Variants in RIPK2 observed in about 807,000 individuals in gnomAD.
RIPK2 encodes the protein receptor interacting serine/threonine kinase 2, also known as receptor-interacting serine/threonine-protein kinase 2.
RIPK2 carries 38 observed loss-of-function variants against 60.9 expected under a neutral mutation model. That is an observed-to-expected ratio of 0.62 (90% CI 0.48 to 0.82). RIPK2 has a LOEUF of 0.82. RIPK2 is among the 40% of genes least tolerant of loss of function. The pLI is 0.00. For missense variants in RIPK2, 518 were observed against 647.0 expected (o/e 0.80, Z 2.16); for synonymous variants, 225 against 223.4 (o/e 1.01, Z -0.06).
chr8:89,768,007 T>G (rs546925621), intron 3 of RIPK2, among the ~76,000 whole-genome samples: 1 of 151,808 alleles, frequency 6.6e-6, no homozygotes, highest in East Asian at 1.9e-4. Context: ...CACAATACTA[T>G]TTTTGGTGCG....
At chr8:89,777,557 T>C (rs1279610971) in intron 6 of RIPK2, among the ~76,000 whole-genome samples, 1 of 147,656 alleles carries the variant, frequency 6.8e-6, no homozygotes, top group Non-Finnish European at 1.5e-5. Context: ...CATATCCAGC[T>C]TTGTATCTAA....
At chr8:89,762,801 T>C in intron 1 of RIPK2, 28 bp from the exon 2 acceptor site, 1 of 1,231,034 alleles carries the variant, frequency 8.1e-7, no homozygotes, top group South Asian at 2.1e-5. Flanking sequence ...TTTTATTACT[T>C]GAATAATTAT....
chr8:89,776,106 T>A (rs1809394938), intron 6 of RIPK2, among the ~76,000 whole-genome samples: 1 of 152,136 alleles, frequency 6.6e-6, no homozygotes. Context: ...ATGCATTCTT[T>A]AGGCAAGCTG....
intron 4 of RIPK2, among the ~76,000 whole-genome samples, 173 bp downstream of exon 4, chr8:89,770,102 A>G (rs1809289581): frequency 6.6e-6 from 1 of 151,906 alleles, no homozygotes; most frequent in African/African-American, 2.4e-5. Flanking sequence ...AGGAAATTTA[A>G]TGATTTGCTT....
chr8:89,777,385 AAAC>A (rs1366034262), intron 6 of RIPK2, among the ~76,000 whole-genome samples: 2 of 152,244 alleles, frequency 1.3e-5, no homozygotes, highest in Non-Finnish European at 2.9e-5. Flanking sequence ...GGAAAGAAAG[AAAC>A]AAAATGTGAA....
intron 7 of RIPK2, 152 bp downstream of exon 7, chr8:89,780,312 A>C: frequency 2.4e-6 from 1 of 421,488 alleles, no homozygotes; most frequent in South Asian, 3.9e-5. Context: ...GAGACTATGA[A>C]TACTACTTTT....
chr8:89,786,015 G>T (rs1347048408), intron 8 of RIPK2, among the ~76,000 whole-genome samples: 1 of 152,138 alleles, frequency 6.6e-6, no homozygotes, highest in African/African-American at 2.4e-5. Context: ...CTAGCTACTG[G>T]CTGCAGCATC....
Position 89,790,681 on chromosome 8 carries a change from G to A in RIPK2, c.*265G>A, listed in dbSNP as rs943529935. The A allele has an allele frequency of 9.9e-6, 3 of 303,610 alleles. No individual in the cohort carries two copies. Among genetic ancestry groups the A allele is most frequent in the Non-Finnish European group, 1.8e-5 (3 of 163,058 alleles). The allele number at this position is 303,610 out of a possible 1,614,324, so 18.8% of individuals were successfully genotyped here. A position where few individuals can be genotyped will look rare whatever the true frequency, so the allele number is the denominator to read the frequency against. ...ATAGTAATTATTCTTGTTTATAACA[G>A]TGCCTTAAGGTATGATGTATTTCTG... On this transcript the variant is annotated 3_prime_UTR_variant, in exon 11 of 11. Coordinates refer to ENST00000220751, the MANE Select transcript of RIPK2 (RefSeq NM_003821.6).
At chr8:89,779,847 T>C (rs1324424362) in intron 6 of RIPK2, among the ~76,000 whole-genome samples, 4 of 152,230 alleles carry the variant, frequency 2.6e-5, no homozygotes, top group African/African-American at 7.2e-5. Context: ...CATTTCCCCA[T>C]TGAATTGGCT....
At chr8:89,759,303 T>A in intron 1 of RIPK2, 1 of 456,280 alleles carries the variant, frequency 2.2e-6, no homozygotes, top group Non-Finnish European at 4.4e-6. Context: ...ACTAGTCTTG[T>A]GTATTTTACT....
intron 2 of RIPK2, among the ~76,000 whole-genome samples, chr8:89,764,818 A>G (rs975847171): frequency 6.6e-6 from 1 of 152,134 alleles, no homozygotes; most frequent in Admixed American, 6.6e-5. Context: ...TAGTCAATAA[A>G]TACAATATGA....
At chr8:89,777,894 A>G (rs1047070531) in intron 6 of RIPK2, among the ~76,000 whole-genome samples, 1 of 152,150 alleles carries the variant, frequency 6.6e-6, no homozygotes, top group African/African-American at 2.4e-5. Context: ...AGGAAGAAAA[A>G]AAAATCAATA....
chr8:89,759,158 T>G (rs1809102634), intron 1 of RIPK2, among the ~76,000 whole-genome samples: 1 of 152,238 alleles, frequency 6.6e-6, no homozygotes, highest in African/African-American at 2.4e-5. Context: ...GACTGTTAAA[T>G]GGCCAGAAAT....
chr8:89,765,432 C>T lies in RIPK2; in HGVS notation c.419C>T (p.Pro140Leu). 4.4e-6 allele frequency: 7 copies of T among 1,600,500 alleles called. No individual in the cohort carries two copies. The highest frequency in any genetic ancestry group is 6.0e-6 in the Non-Finnish European group (7 of 1,168,394). ...LGVNYLHNMTPPLLHHDLKTQ... is the reference protein window; with the variant it reads ...LGVNYLHNMTLPLLHHDLKTQ... ...GTAAATTACCTGCACAATATGACTC[C>T]TCCTTTACTTCATCATGACTTGAAG... Residue 140 changes from proline to leucine, a missense_variant, in exon 3 of 11, where the codon CCT becomes CTT. Physicochemically the swap from Pro to Leu is moderately conservative, Grantham distance 98. Coordinates refer to ENST00000220751, the MANE Select transcript of RIPK2 (RefSeq NM_003821.6).
intron 1 of RIPK2, among the ~76,000 whole-genome samples, chr8:89,758,744 T>C (rs1425287387): frequency 1.3e-5 from 2 of 152,220 alleles, no homozygotes; most frequent in African/African-American, 4.8e-5. Flanking sequence ...AAGTGTAAAA[T>C]ACCAGAGTTC....
intron 8 of RIPK2, among the ~76,000 whole-genome samples, chr8:89,786,262 G>A (rs759417247): frequency 1.3e-5 from 2 of 151,946 alleles, no homozygotes; most frequent in East Asian, 3.9e-4. Context: ...TCACTTGATC[G>A]CAGGAGTTTG....
At chr8:89,769,711 A>C in intron 3 of RIPK2, 61 bp from the exon 4 acceptor site, 1 of 1,162,240 alleles carries the variant, frequency 8.6e-7, no homozygotes, top group Non-Finnish European at 1.2e-6. Flanking sequence ...ACAAAAAGAT[A>C]GTTGACTTTT....
intron 4 of RIPK2, among the ~76,000 whole-genome samples, chr8:89,770,603 CA>C (rs1011050713): frequency 6.6e-6 from 1 of 151,762 alleles, no homozygotes; most frequent in Admixed American, 6.6e-5. Context: ...CTAATGAATG[CA>C]AAAGCAGACT....
At chr8:89,786,346 C>T (rs1381365247) in intron 8 of RIPK2, among the ~76,000 whole-genome samples, 2 of 151,824 alleles carry the variant, frequency 1.3e-5, no homozygotes, top group Non-Finnish European at 2.9e-5. Flanking sequence ...TGGTGGTGTG[C>T]ACCTATAATC....
Sources: allele counts gnomAD v4.1 joint callset (sites outside exome capture counted in the v4.1 genomes callset), GRCh38; gene constraint gnomAD v4.1.1; transcripts MANE v1.5; gene names NCBI Gene and HGNC (gene_info 2026-07-23, HGNC 2026-07-21).